MGAT4A: variants seen among roughly 807,000 people sequenced by gnomAD.
MGAT4A encodes the protein alpha-1,3-mannosyl-glycoprotein 4-beta-N-acetylglucosaminyltransferase A, also known as N-acetylglucosaminyltransferase IVa.
A neutral mutation model predicts 74.1 loss-of-function variants in MGAT4A; 33 were observed. The ratio of observed to expected loss-of-function variants is 0.45; its 90% CI spans 0.34 to 0.60. The LOEUF (loss-of-function observed/expected upper bound fraction) is 0.60. Ranked by LOEUF, MGAT4A falls within the 20% of genes least tolerant of loss-of-function variation. The pLI, the probability that MGAT4A is intolerant of heterozygous loss-of-function variation, is 0.02. For synonymous variants in MGAT4A, 198 were observed against 210.4 expected, an observed-to-expected ratio of 0.94 and a Z score of 0.51; for missense variants, 479 against 628.3, an observed-to-expected ratio of 0.76 and a Z score of 2.54.
intron 6 of MGAT4A, 43 bp downstream of exon 6, chr2:98,658,175 A>G (rs375895302): frequency 1.1e-4 from 151 of 1,321,084 alleles, no homozygotes; most frequent in Non-Finnish European, 1.6e-4. Flanking sequence ...AAGAGATAAT[A>G]GTAACCAAAA....
intron 2 of MGAT4A, among the ~76,000 whole-genome samples, chr2:98,712,427 C>T (rs1345885160): frequency 6.6e-6 from 1 of 152,168 alleles, no homozygotes; most frequent in East Asian, 1.9e-4. Flanking sequence ...TAAAAAGCTG[C>T]TGACCCGACA....
chr2:98,705,696 C>T (rs1702416183), intron 2 of MGAT4A, among the ~76,000 whole-genome samples: 1 of 152,138 alleles, frequency 6.6e-6, no homozygotes, highest in Non-Finnish European at 1.5e-5. Context: ...GTAATCCCAG[C>T]ACTTTGGGAG....
Position 98,658,218 on chromosome 2 carries a change from T to A in MGAT4A, c.584A>T (p.Glu195Val). ...VHGVVANLEK[E>V]FSKEISSGLV... Reference sequence around the variant, plus strand: ...ATGTTTATAATTAAGAAGAACTTACTCTTTCTCCAGGTTGGCTACAACACC... The same window carrying A: ...ATGTTTATAATTAAGAAGAACTTACACTTTCTCCAGGTTGGCTACAACACC... The change falls in exon 6 of 16, where the codon GAA (glutamate) becomes GTA (valine). Residue 195 changes from glutamate (E) to valine (V), a missense_variant and splice_region_variant. Physicochemically the swap from Glu to Val is moderately radical, Grantham distance 121. Coordinates refer to ENST00000393487, the MANE Select transcript of MGAT4A (RefSeq NM_012214.3). 1 of 1,566,944 alleles carries A rather than the reference T, an allele frequency of 6.4e-7. No homozygotes were observed. Among genetic ancestry groups the A allele is most frequent in the Non-Finnish European group, 8.7e-7 (1 of 1,147,380 alleles).
Position 98,625,476 on chromosome 2 carries a change from A to G in MGAT4A, c.*90T>C. Reference sequence around the variant, plus strand: ...ATCTACAGTAGACTTCACAAGAGGTAGTGTTCAAGTAGAAATAAAAAAAAG... The same window carrying G: ...ATCTACAGTAGACTTCACAAGAGGTGGTGTTCAAGTAGAAATAAAAAAAAG... On this transcript the variant is annotated 3_prime_UTR_variant, in exon 16 of 16. Coordinates refer to ENST00000393487, the MANE Select transcript of MGAT4A (RefSeq NM_012214.3). 1 of 1,568,468 alleles carries G rather than the reference A, an allele frequency of 6.4e-7. No homozygotes were observed.
At chr2:98,649,198 A>G (rs1242001805) in intron 8 of MGAT4A, among the ~76,000 whole-genome samples, 1 of 152,160 alleles carries the variant, frequency 6.6e-6, no homozygotes, top group East Asian at 1.9e-4. Flanking sequence ...CAAGGTACCT[A>G]TCAACAGTAT....
intron 9 of MGAT4A, among the ~76,000 whole-genome samples, chr2:98,645,195 T>C (rs745526037): frequency 6.6e-6 from 1 of 152,212 alleles, no homozygotes; most frequent in East Asian, 1.9e-4. Context: ...AGCACCACGG[T>C]TGGCATTGTG....
intron 2 of MGAT4A, among the ~76,000 whole-genome samples, chr2:98,691,325 C>T (rs1436372649): frequency 1.3e-5 from 2 of 151,960 alleles, no homozygotes; most frequent in African/African-American, 2.4e-5. Flanking sequence ...AACGTAGTCC[C>T]AGCTACTAGG....
In MGAT4A at chr2:98,639,817, T is replaced by C. The variant is rs191765706; in HGVS notation, c.1313A>G (p.Asn438Ser). ...TTCAATAATCACCAACCTTTCTACATTGACTGGTTTATCAAATTTAAACAA... is the reference window on the plus strand; with the variant it reads ...TTCAATAATCACCAACCTTTCTACACTGACTGGTTTATCAAATTTAAACAA... Reference protein sequence around the residue: ...YILFKFDKPVNVESYLFHSGN... With the variant: ...YILFKFDKPVSVESYLFHSGN... Residue 438 changes from asparagine to serine, a missense_variant, in exon 12 of 16, where the codon AAT (asparagine) becomes AGT (serine). Asn to Ser is a conservative substitution (Grantham distance 46). Around this residue, in one of 3 missense-constraint regions of MGAT4A, gnomAD observed 236 missense variants for 308.2 expected, o/e 0.77. Coordinates refer to ENST00000393487, the MANE Select transcript of MGAT4A (RefSeq NM_012214.3). The C allele has an allele frequency of 2.3e-5, 37 of 1,610,564 alleles. No homozygotes were observed. In the East Asian group the frequency reaches 3.3e-4, roughly 15 times the overall value.
At chr2:98,709,987 A>G (rs912420933) in intron 2 of MGAT4A, among the ~76,000 whole-genome samples, 1 of 152,240 alleles carries the variant, frequency 6.6e-6, no homozygotes, top group Non-Finnish European at 1.5e-5. Flanking sequence ...TTAGCCATCA[A>G]TGAAATCTCA....
chr2:98,674,991 T>G, intron 4 of MGAT4A, 44 bp downstream of exon 4: 4 of 1,587,118 alleles, frequency 2.5e-6, no homozygotes, highest in Non-Finnish European at 3.4e-6. Flanking sequence ...AAAACACATT[T>G]AACAGCAGTA....
In MGAT4A at chr2:98,625,311, C is replaced by T. The variant is rs1559152841; in HGVS notation, c.*255G>A. The T allele has an allele frequency of 1.6e-6, 2 of 1,218,288 alleles. No individual in the cohort carries two copies. Among genetic ancestry groups the T allele is most frequent in the Non-Finnish European group, 2.1e-6 (2 of 958,422 alleles). The allele number at this position is 1,218,288 out of a possible 1,614,324, so 75.5% of individuals were successfully genotyped here. On this transcript the variant is annotated 3_prime_UTR_variant, in exon 16 of 16. Transcript: ENST00000393487. ...CAACTCTTATGTATTAGTATAATAC[C>T]AAAATAGTACAAGTCATATTAACAG...
intron 2 of MGAT4A, among the ~76,000 whole-genome samples, chr2:98,698,133 G>C (rs1487438785): frequency 6.6e-6 from 1 of 152,232 alleles, no homozygotes; most frequent in Non-Finnish European, 1.5e-5. Flanking sequence ...AGCTGGCTGG[G>C]TGTGGTGGCT....
chr2:98,647,211 G>A (rs865805083), intron 8 of MGAT4A, among the ~76,000 whole-genome samples: 1 of 152,234 alleles, frequency 6.6e-6, no homozygotes, highest in African/African-American at 2.4e-5. Context: ...AGCTGCTGGA[G>A]AGCTAAATTT....
At chr2:98,688,692 C>T (rs968587361) in intron 2 of MGAT4A, among the ~76,000 whole-genome samples, 1 of 152,196 alleles carries the variant, frequency 6.6e-6, no homozygotes, top group African/African-American at 2.4e-5. Flanking sequence ...CTTCCGCCAA[C>T]AGTCTGGATA....
chr2:98,639,776 G>T (rs369560708), intron 12 of MGAT4A, 32 bp downstream of exon 12: 7 of 1,536,988 alleles, frequency 4.6e-6, no homozygotes, highest in South Asian at 1.2e-5. Flanking sequence ...GATCCAAATT[G>T]TAAGATCACA....
chr2:98,674,603 T>G (rs1352006275), intron 4 of MGAT4A, among the ~76,000 whole-genome samples: 1 of 152,348 alleles, frequency 6.6e-6, no homozygotes. Flanking sequence ...AATCAAAGTA[T>G]TTCTACTACT....
intron 2 of MGAT4A, among the ~76,000 whole-genome samples, chr2:98,721,056 T>A (rs1702662838): frequency 6.6e-6 from 1 of 152,130 alleles, no homozygotes; most frequent in Admixed American, 6.5e-5. Flanking sequence ...AAAATGACAT[T>A]ACTTACAAGG....
chr2:98,626,588 A>C (rs1217273926), intron 14 of MGAT4A, among the ~76,000 whole-genome samples: 5 of 152,226 alleles, frequency 3.3e-5, no homozygotes, highest in Non-Finnish European at 7.4e-5. Flanking sequence ...GTGGGCCAAG[A>C]GGAAATTTGA....
intron 4 of MGAT4A, among the ~76,000 whole-genome samples, chr2:98,665,019 C>A (rs1461955566): frequency 6.6e-6 from 1 of 152,124 alleles, no homozygotes; most frequent in Non-Finnish European, 1.5e-5. Flanking sequence ...CTAAAAAATA[C>A]TTATAATTCA....
Sources: allele counts gnomAD v4.1 joint callset (sites outside exome capture counted in the v4.1 genomes callset), GRCh38; gene constraint gnomAD v4.1.1; regional missense constraint gnomAD v4.1.1; transcripts MANE v1.5; gene names NCBI Gene and HGNC (gene_info 2026-07-23, HGNC 2026-07-21).